PRKAR1B: variants seen among roughly 807,000 people sequenced by gnomAD.
PRKAR1B encodes cAMP-dependent protein kinase type I-beta regulatory subunit.
Under a neutral mutation model 46.5 loss-of-function variants are expected in PRKAR1B, and 22 were observed. The ratio of observed to expected loss-of-function variants is 0.47; its 90% CI spans 0.34 to 0.68. PRKAR1B has a LOEUF of 0.68. PRKAR1B is among the 30% of genes least tolerant of loss of function. The pLI, the probability that PRKAR1B is intolerant of heterozygous loss-of-function variation, is 0.01. For missense variants in PRKAR1B, 445 were observed against 535.6 expected (o/e 0.83, Z 1.67); for synonymous variants, 259 against 217.7 (o/e 1.19, Z -1.67).
rs2128425386 is a variant in PRKAR1B at position 560,995 on chromosome 7, A to C, written c.892-9525T>G. ...CTGTGTGCTTCTGGACTTAGGCAGA[A>C]GCAGAATCCTATACATACACACACA... is the stretch of plus-strand genomic sequence containing the variant. On this transcript the variant is annotated intron_variant, in intron 9 of 10. Transcript: ENST00000537384. The surrounding 1 kb of genome is among the most constrained non-coding windows in gnomAD (Gnocchi z 4.2). 6.6e-6 allele frequency among the ~76,000 whole-genome samples: 1 copy of C among 152,224 alleles called. No individual in the cohort carries two copies. The highest frequency in any genetic ancestry group is 2.4e-5 in the African/African-American group (1 of 41,512).
chr7:618,777 T>C (rs900870347), intron 4 of PRKAR1B, among the ~76,000 whole-genome samples: 2 of 152,234 alleles, frequency 1.3e-5, no homozygotes, highest in Non-Finnish European at 2.9e-5. Flanking sequence ...TCCTGCTGAT[T>C]TGCAGAAATT....
intron 9 of PRKAR1B, among the ~76,000 whole-genome samples, chr7:577,667 C>T (rs9286355): frequency 0.41 from 61,825 of 152,066 alleles, 13,159 homozygotes; most frequent in African/African-American, 0.45. Flanking sequence ...GTTCCTGCAG[C>T]ATGAATCCGA....
intron 4 of PRKAR1B, among the ~76,000 whole-genome samples, chr7:617,035 C>T (rs1483352135): frequency 7.1e-6 from 1 of 140,574 alleles, no homozygotes; most frequent in African/African-American, 2.6e-5. Flanking sequence ...GCCCTGTCGA[C>T]CAGGCTGGAG....
chr7:693,755 G>A (rs142676995), intron 2 of PRKAR1B, among the ~76,000 whole-genome samples: 2 of 152,280 alleles, frequency 1.3e-5, no homozygotes, highest in Non-Finnish European at 2.9e-5. Flanking sequence ...TCTTCGGGCT[G>A]TGTACCTAGG....
chr7:708,936 G>A (rs1780470161), intron 2 of PRKAR1B, among the ~76,000 whole-genome samples: 1 of 151,338 alleles, frequency 6.6e-6, no homozygotes, highest in East Asian at 1.9e-4. Flanking sequence ...GGGATTACAG[G>A]TGCGTGCCAC....
At chr7:664,241 A>G (rs1040267563) in intron 4 of PRKAR1B, among the ~76,000 whole-genome samples, 2 of 152,206 alleles carry the variant, frequency 1.3e-5, no homozygotes, top group Non-Finnish European at 2.9e-5. Context: ...GAGCCATGCC[A>G]GGACCCATGG....
intron 4 of PRKAR1B, among the ~76,000 whole-genome samples, chr7:626,954 A>G (rs1183507807): frequency 6.6e-6 from 1 of 152,086 alleles, no homozygotes; most frequent in African/African-American, 2.4e-5. Flanking sequence ...GGCTCACTGC[A>G]AGCTCCGCCT....
intron 4 of PRKAR1B, among the ~76,000 whole-genome samples, chr7:663,906 C>T (rs1480040734): frequency 3.9e-5 from 6 of 152,314 alleles, no homozygotes; most frequent in South Asian, 4.1e-4. Context: ...GGTGGGCGTG[C>T]AGGGCCTGGT....
intron 4 of PRKAR1B, among the ~76,000 whole-genome samples, chr7:665,927 T>A (rs117202823): frequency 0.01 from 1,557 of 152,262 alleles, 23 homozygotes; most frequent in East Asian, 0.097. Context: ...AGGCCAGCGG[T>A]GCTGCTCAAG....
Position 714,959 on chromosome 7 carries a change from G to T in PRKAR1B, c.-22-3432C>A, listed in dbSNP as rs1780821644. Among the ~76,000 whole-genome samples, 1 of 152,164 alleles carries T rather than the reference G, an allele frequency of 6.6e-6. No homozygotes were observed. The highest frequency in any genetic ancestry group is 1.5e-5 in the Non-Finnish European group (1 of 68,028). On this transcript the variant is annotated intron_variant, in intron 1 of 10. Coordinates refer to ENST00000537384, the MANE Select transcript of PRKAR1B (RefSeq NM_001164760.2). The surrounding 1 kb of genome is among the most constrained non-coding windows in gnomAD (Gnocchi z 4.3). The stretch of plus-strand genomic sequence containing the variant: ...CCAGCACTTTGGGAGGCCGAGGCAG[G>T]TGGGTCACTGGAGGTCAGGAGTTCA...
chr7:705,903 G>A (rs139427245), intron 2 of PRKAR1B, among the ~76,000 whole-genome samples: 1,682 of 151,872 alleles, frequency 0.011, 25 homozygotes, highest in East Asian at 0.1. Flanking sequence ...GCAGGCGCCT[G>A]TAATCCCAGC....
rs79575452 is a variant in PRKAR1B, at chr7:668,359, C to T, written c.440+8870G>A. Among the ~76,000 whole-genome samples, 1,519 of 152,258 alleles carry T rather than the reference C, an allele frequency of 1.0e-2. 16 individuals carry two copies. The highest frequency in any genetic ancestry group is 0.089 in the East Asian group (461 of 5,172). Reference sequence around the variant, plus strand: ...TGGATGCTGCACAGGGGAGACATCACGTGAAAGGTCCAGAGACAATCCCTC... The same window carrying T: ...TGGATGCTGCACAGGGGAGACATCATGTGAAAGGTCCAGAGACAATCCCTC... On this transcript the variant is annotated intron_variant, in intron 4 of 10. Coordinates refer to ENST00000537384, the MANE Select transcript of PRKAR1B (RefSeq NM_001164760.2).
chr7:573,094 C>T (rs897131353), intron 9 of PRKAR1B, among the ~76,000 whole-genome samples: 2 of 152,200 alleles, frequency 1.3e-5, no homozygotes, highest in African/African-American at 2.4e-5. Context: ...AGCTGGAAAC[C>T]GCAATAAGCT....
At chr7:630,143 G>A (rs1783651749) in intron 4 of PRKAR1B, among the ~76,000 whole-genome samples, 1 of 152,254 alleles carries the variant, frequency 6.6e-6, no homozygotes, top group Admixed American at 6.5e-5. Flanking sequence ...CTTGGAAGTG[G>A]AGCGCAGTGG....
intron 1 of PRKAR1B, among the ~76,000 whole-genome samples, chr7:721,735 T>C (rs958484604): frequency 2.0e-5 from 3 of 152,204 alleles, no homozygotes; most frequent in Non-Finnish European, 4.4e-5. Context: ...ATTCTATTAG[T>C]TTGCCTGTCT....
At chr7:670,906 GA>G (rs1011913870) in intron 4 of PRKAR1B, among the ~76,000 whole-genome samples, 1 of 152,192 alleles carries the variant, frequency 6.6e-6, no homozygotes, top group African/African-American at 2.4e-5. Flanking sequence ...CAGGACCGAG[GA>G]CACGGCATCA....
chr7:571,692 G>A (rs1031293404), intron 9 of PRKAR1B, among the ~76,000 whole-genome samples: 1 of 152,222 alleles, frequency 6.6e-6, no homozygotes, highest in Non-Finnish European at 1.5e-5. Context: ...AGGCTGTGGG[G>A]AGGTCTCCGG....
At chr7:634,617 T>A (rs901143974) in intron 4 of PRKAR1B, among the ~76,000 whole-genome samples, 1 of 150,238 alleles carries the variant, frequency 6.7e-6, no homozygotes, top group African/African-American at 2.4e-5. Context: ...ATTTAAGGCG[T>A]GGGGTCCTGG....
chr7:663,414 G>A (rs911929168), intron 4 of PRKAR1B, among the ~76,000 whole-genome samples: 24 of 152,044 alleles, frequency 1.6e-4, no homozygotes, highest in Middle Eastern at 3.2e-3. Flanking sequence ...TTTTTAGGAG[G>A]AGGGTAGAGA....
Sources: allele counts gnomAD v4.1 joint callset (sites outside exome capture counted in the v4.1 genomes callset), GRCh38; gene constraint gnomAD v4.1.1; non-coding constraint Gnocchi (gnomAD v3.1); transcripts MANE v1.5; gene names NCBI Gene and HGNC (gene_info 2026-07-23, HGNC 2026-07-21).